Variants in KTN1 observed in about 807,000 individuals in gnomAD.
KTN1 encodes kinectin.
KTN1 carries 130 observed loss-of-function variants against 222.5 expected under a neutral mutation model. The observed-to-expected ratio is 0.58, with a 90% CI of 0.51 to 0.68. The LOEUF (loss-of-function observed/expected upper bound fraction) is 0.68. Among genes scored for constraint, KTN1 ranks in the 30% least tolerant of loss-of-function variants. The pLI is 0.00. For missense variants in KTN1, 1,508 were observed against 1,500.4 expected, an observed-to-expected ratio of 1.01 and a Z score of -0.08; for synonymous variants, 512 against 496.3, an observed-to-expected ratio of 1.03 and a Z score of -0.42.
intron 1 of KTN1, among the ~76,000 whole-genome samples, chr14:55,580,775 C>T (rs948821958): frequency 6.6e-6 from 1 of 152,196 alleles, no homozygotes; most frequent in Non-Finnish European, 1.5e-5. Flanking sequence ...CGGATTACCG[C>T]CTCCTCGGCC....
intron 1 of KTN1, among the ~76,000 whole-genome samples, chr14:55,606,510 A>G (rs1056735684): frequency 2.0e-5 from 3 of 152,172 alleles, no homozygotes; most frequent in Non-Finnish European, 4.4e-5. Context: ...AAATATTGAT[A>G]AAATTAGTTT....
Position 55,641,175 on chromosome 14 carries a change from A to G in KTN1, c.2070A>G (p.Gln690=), listed in dbSNP as rs1364968609. Residue 690 remains glutamine, a synonymous_variant, in exon 17 of 44, where the codon CAA becomes CAG. Coordinates refer to ENST00000395314, the MANE Select transcript of KTN1 (RefSeq NM_001079521.2). ...TAAGATTGCTGGAAGAGCAACTACA[A>G]CATGAAATTTCAAACAAAATGGAAG... ...DKIRLLEEQL[Q]HEISNKMEEF... 1.3e-6 allele frequency: 2 copies of G among 1,599,072 alleles called. No individual in the cohort carries two copies. The highest frequency in any genetic ancestry group is 4.5e-5 in the East Asian group (2 of 44,736).
chr14:55,627,814 A>G (rs1287414837), intron 5 of KTN1, 98 bp from the exon 6 acceptor site: 8 of 713,836 alleles, frequency 1.1e-5, no homozygotes, highest in East Asian at 5.2e-5. Flanking sequence ...TTATGGCTGC[A>G]TAGTATTCCA....
chr14:55,655,039 A>G (rs1427943460), intron 28 of KTN1, among the ~76,000 whole-genome samples: 1 of 151,612 alleles, frequency 6.6e-6, no homozygotes, highest in Non-Finnish European at 1.5e-5. Flanking sequence ...GAGTACATGG[A>G]GTGCAGGGCT....
At position 55,684,223 on chromosome 14, in the gene KTN1, G is replaced by C; in HGVS notation, c.*120G>C. 1.4e-6 allele frequency: 1 copy of C among 729,050 alleles called. No individual in the cohort carries two copies. The highest frequency in any genetic ancestry group is 1.8e-5 in the African/African-American group (1 of 54,798). The allele number at this position is 729,050 out of a possible 1,614,324, so 45.2% of individuals were successfully genotyped here. On this transcript the variant is annotated 3_prime_UTR_variant, in exon 44 of 44. Coordinates refer to ENST00000395314, the MANE Select transcript of KTN1 (RefSeq NM_001079521.2). ...TGTCAGAAACACTGAACAGAGTTTT[G>C]TCTTTTCTAATCCTTGTTAGACTAC... is the stretch of plus-strand genomic sequence containing the variant.
rs578050973 is a variant in KTN1, at chr14:55,675,885, T to G, written c.3822T>G (p.Asn1274Lys). ...TCACAAAACTTAGAACTGAACAAAA[T>G]GAAAGACAGAAGGTAGCTGGTGATT... ...ETLTKLRTEQ[N>K]ERQKVAGDLH... is the part of the protein sequence containing the mutation. The change falls in exon 41 of 44, where the codon AAT (asparagine) becomes AAG (lysine). Residue 1274 changes from asparagine (N) to lysine (K), a missense_variant. Asn to Lys is a moderately conservative substitution (Grantham distance 94). Coordinates refer to ENST00000395314, the MANE Select transcript of KTN1 (RefSeq NM_001079521.2). 3 of 1,613,474 alleles carry G rather than the reference T, an allele frequency of 1.9e-6. No homozygotes were observed. The highest frequency in any genetic ancestry group is 1.7e-5 in the Admixed American group (1 of 59,998).
In KTN1 at chr14:55,671,481, A is replaced by G. The variant is rs924655559; in HGVS notation, c.3349-85A>G. The G allele has an allele frequency of 3.1e-5, 27 of 872,686 alleles. No individual in the cohort carries two copies. In the African/African-American group the frequency reaches 3.6e-4, roughly 12 times the overall value. The allele number at this position is 872,686 out of a possible 1,614,324, so 54.1% of individuals were successfully genotyped here. A position where few individuals can be genotyped will look rare whatever the true frequency, so the allele number is the denominator to read the frequency against. On this transcript the variant is annotated intron_variant, in intron 35 of 43. Coordinates refer to ENST00000395314, the MANE Select transcript of KTN1 (RefSeq NM_001079521.2). ...AAACACTTTGAAACCATTTATCATA[A>G]TACAGTATTAAGTACTAAAACAAAC...
chr14:55,675,772 G>A (rs2045840315), intron 40 of KTN1, 63 bp from the exon 41 acceptor site: 1 of 1,064,976 alleles, frequency 9.4e-7, no homozygotes, highest in Non-Finnish European at 1.5e-6. Flanking sequence ...AGTCCTAGAG[G>A]TATCAGCATA....
At position 55,617,972 on chromosome 14, in the gene KTN1, G is replaced by C. The variant is rs185227628; in HGVS notation, c.670G>C (p.Asp224His). The C allele has an allele frequency of 1.9e-6, 3 of 1,582,020 alleles. No homozygotes were observed. The highest frequency in any genetic ancestry group is 1.7e-6 in the Non-Finnish European group (2 of 1,167,430). Reference sequence around the variant, plus strand: ...TTGAACTTAAATTGCAGTCTTCGTAGATGAACCCCTTATTCATGCAACTAC... The same window carrying C: ...TTGAACTTAAATTGCAGTCTTCGTACATGAACCCCTTATTCATGCAACTAC... ...KKQKTENVFV[D>H]EPLIHATTYI... The change falls in exon 4 of 44, where the codon GAT (aspartate) becomes CAT (histidine). Residue 224 changes from aspartate (D) to histidine (H), a missense_variant. Transcript: ENST00000395314.
intron 10 of KTN1, among the ~76,000 whole-genome samples, chr14:55,636,787 CTG>C (rs1318776574): frequency 2.0e-5 from 3 of 151,620 alleles, no homozygotes; most frequent in Non-Finnish European, 4.4e-5. Context: ...GGGATCCTGG[CTG>C]TGTGTGTTTC....
intron 7 of KTN1, among the ~76,000 whole-genome samples, chr14:55,631,101 AT>A (rs1008737115): frequency 5.4e-5 from 8 of 147,616 alleles, no homozygotes; most frequent in East Asian, 2.0e-4. Context: ...AGACCAGTGA[AT>A]TTTTTTTTTC....
At chr14:55,650,663 A>G in intron 24 of KTN1, 26 bp downstream of exon 24, 2 of 1,526,952 alleles carry the variant, frequency 1.3e-6, no homozygotes, top group Non-Finnish European at 1.8e-6. Flanking sequence ...CCATAGCATG[A>G]CAGATTTATT....
chr14:55,614,288 A>C (rs1661079641), intron 2 of KTN1, among the ~76,000 whole-genome samples: 1 of 152,210 alleles, frequency 6.6e-6, no homozygotes, highest in Admixed American at 6.5e-5. Context: ...TTCATGGGGC[A>C]GTATTTGATG....
At chr14:55,679,240 ATG>A (rs2046155852) in intron 42 of KTN1, 1 of 245,080 alleles carries the variant, frequency 4.1e-6, no homozygotes, top group Non-Finnish European at 7.7e-6. Context: ...ACTGTTTGGA[ATG>A]TACTTTCTTT....
chr14:55,580,749 C>A (rs1011348343), intron 1 of KTN1, among the ~76,000 whole-genome samples: 1 of 152,244 alleles, frequency 6.6e-6, no homozygotes, highest in East Asian at 1.9e-4. Context: ...AGCCTGAGGG[C>A]CCCCGGGAGG....
At chr14:55,603,324 C>G (rs1267018596) in intron 1 of KTN1, among the ~76,000 whole-genome samples, 1 of 152,202 alleles carries the variant, frequency 6.6e-6, no homozygotes, top group South Asian at 2.1e-4. Context: ...TAGAGTTCTT[C>G]TAACTTTTAA....
intron 1 of KTN1, among the ~76,000 whole-genome samples, chr14:55,593,404 T>G (rs2034468185): frequency 6.6e-6 from 1 of 151,558 alleles, no homozygotes. Flanking sequence ...TTTAATCTTA[T>G]TTTTGAATTT....
intron 6 of KTN1, 122 bp downstream of exon 6, chr14:55,628,150 C>G (rs904938758): frequency 1.6e-6 from 1 of 636,738 alleles, no homozygotes. Context: ...AAGTAACTTT[C>G]CTTTAGAGTT....
At chr14:55,649,030 A>G (rs1390283492) in intron 21 of KTN1, among the ~76,000 whole-genome samples, 160 bp downstream of exon 21, 2 of 152,146 alleles carry the variant, frequency 1.3e-5, no homozygotes, top group African/African-American at 4.8e-5. Flanking sequence ...GGCTCAACCG[A>G]TAACTCCTCC....
Sources: gnomAD v4.1 joint callset for allele counts (sites outside exome capture counted in the v4.1 genomes callset) on GRCh38, gnomAD v4.1.1 for gene constraint, MANE v1.5 for transcripts, NCBI Gene and HGNC (gene_info 2026-07-23, HGNC 2026-07-21) for gene names.